Variants in THSD7B observed in about 807,000 individuals in gnomAD.
THSD7B encodes the protein thrombospondin type-1 domain-containing protein 7B.
THSD7B carries 138 observed loss-of-function variants against 213.6 expected under a neutral mutation model. The ratio of observed to expected loss-of-function variants is 0.65; its 90% CI spans 0.56 to 0.74. The LOEUF is 0.74. Among genes scored for constraint, THSD7B ranks in the 30% least tolerant of loss-of-function variants. The probability of loss-of-function intolerance (pLI) is 0.00; values close to 1 mark genes in which losing one functional copy is unlikely to be tolerated. For missense variants in THSD7B, 1,931 were observed against 1,991.5 expected, an observed-to-expected ratio of 0.97 and a Z score of 0.58; for synonymous variants, 742 against 687.0, an observed-to-expected ratio of 1.08 and a Z score of -1.25.
At chr2:136,947,233 C>A (rs1684958881) in intron 2 of THSD7B, among the ~76,000 whole-genome samples, 1 of 152,048 alleles carries the variant, frequency 6.6e-6, no homozygotes, top group Non-Finnish European at 1.5e-5. Context: ...GTGTTTTCAG[C>A]TATTCCACAT....
At chr2:137,391,281 T>C (rs1454579291) in intron 12 of THSD7B, among the ~76,000 whole-genome samples, 2 of 152,208 alleles carry the variant, frequency 1.3e-5, no homozygotes, top group African/African-American at 4.8e-5. Flanking sequence ...TGATCTTTTG[T>C]ATTTCTGTGG....
chr2:136,903,025 G>A lies in THSD7B; in HGVS notation c.139+20708G>A, dbSNP rs533053528. Among the ~76,000 whole-genome samples, 126 of 152,280 alleles carry A rather than the reference G, an allele frequency of 8.3e-4. 1 individual carries two copies. The highest frequency in any genetic ancestry group is 6.2e-3 in the Admixed American group (95 of 15,298). Reference sequence around the variant, plus strand: ...TAGGGTATGAGTGTGGCCCAGTTGTGCCTCCCTGCTGTGCCTCAGTGTTCT... The same window carrying A: ...TAGGGTATGAGTGTGGCCCAGTTGTACCTCCCTGCTGTGCCTCAGTGTTCT... On this transcript the variant is annotated intron_variant, in intron 2 of 27. Coordinates refer to ENST00000409968, the MANE Select transcript of THSD7B (RefSeq NM_001316349.2).
chr2:137,341,123 T>C (rs1027491451), intron 12 of THSD7B, among the ~76,000 whole-genome samples: 1 of 151,690 alleles, frequency 6.6e-6, no homozygotes. Flanking sequence ...ATCTTTTATT[T>C]TTTTGAGAAT....
At position 137,090,825 on chromosome 2, in the gene THSD7B, T is replaced by C. The variant is rs374662900; in HGVS notation, c.951-4048T>C. Among the ~76,000 whole-genome samples the C allele has an allele frequency of 1.2e-4, 18 of 152,298 alleles. No individual in the cohort carries two copies. The East Asian group carries it at 2.5e-3, about 21-fold the overall frequency. On this transcript the variant is annotated intron_variant, in intron 3 of 27. Transcript: ENST00000409968. ...TAAAGGTTACTACAAATCTAAGGGG[T>C]GAGTAAATCACATTTTACTATTGTT...
intron 2 of THSD7B, among the ~76,000 whole-genome samples, chr2:136,984,832 A>G (rs751636086): frequency 2.6e-5 from 4 of 152,144 alleles, no homozygotes; most frequent in Non-Finnish European, 5.9e-5. Flanking sequence ...AGAAAAATGG[A>G]CAGCGAAGGC....
At chr2:137,583,207 T>C (rs1681624029) in intron 17 of THSD7B, among the ~76,000 whole-genome samples, 1 of 152,226 alleles carries the variant, frequency 6.6e-6, no homozygotes. Flanking sequence ...CTTGTAAATT[T>C]GTTTGAGTTC....
At chr2:137,559,087 A>G (rs1410459820) in intron 15 of THSD7B, among the ~76,000 whole-genome samples, 1 of 152,234 alleles carries the variant, frequency 6.6e-6, no homozygotes, top group African/African-American at 2.4e-5. Context: ...ATGGAAGAAC[A>G]TTCCAAGCTC....
At chr2:137,595,624 G>T (rs1681943815) in intron 17 of THSD7B, among the ~76,000 whole-genome samples, 1 of 151,928 alleles carries the variant, frequency 6.6e-6, no homozygotes, top group South Asian at 2.1e-4. Context: ...TAAAATTTCA[G>T]TTTTAAACAG....
chr2:136,789,500 T>A (rs1171985610), intron 1 of THSD7B, among the ~76,000 whole-genome samples: 2 of 152,128 alleles, frequency 1.3e-5, no homozygotes, highest in Non-Finnish European at 2.9e-5. Context: ...ATTCGAATTA[T>A]TCTTTTCTAG....
chr2:137,419,921 C>T (rs758198927), intron 14 of THSD7B, among the ~76,000 whole-genome samples: 1 of 151,940 alleles, frequency 6.6e-6, no homozygotes, highest in Non-Finnish European at 1.5e-5. Flanking sequence ...GTATAGATAC[C>T]CCTTTGCTAT....
chr2:137,255,240 C>T (rs1682279319), intron 10 of THSD7B, among the ~76,000 whole-genome samples: 1 of 152,128 alleles, frequency 6.6e-6, no homozygotes, highest in African/African-American at 2.4e-5. Flanking sequence ...ATTAGACAGG[C>T]TTTCCTACCT....
intron 24 of THSD7B, among the ~76,000 whole-genome samples, chr2:137,658,817 T>A (rs1683287803): frequency 6.6e-6 from 1 of 152,226 alleles, no homozygotes; most frequent in South Asian, 2.1e-4. Flanking sequence ...GGCCCAGAGC[T>A]TTTTGCTAGC....
At chr2:136,861,200 A>T (rs1683254768) in intron 1 of THSD7B, among the ~76,000 whole-genome samples, 1 of 152,222 alleles carries the variant, frequency 6.6e-6, no homozygotes, top group Non-Finnish European at 1.5e-5. Flanking sequence ...TTACATGTGG[A>T]AGGTAGGACC....
At chr2:136,949,085 G>C (rs975916085) in intron 2 of THSD7B, among the ~76,000 whole-genome samples, 1 of 152,154 alleles carries the variant, frequency 6.6e-6, no homozygotes, top group Non-Finnish European at 1.5e-5. Flanking sequence ...CCTTGTCTTA[G>C]TTTGAATGGC....
chr2:137,189,056 A>G (rs1246576328), intron 7 of THSD7B, among the ~76,000 whole-genome samples: 1 of 152,148 alleles, frequency 6.6e-6, no homozygotes, highest in Non-Finnish European at 1.5e-5. Context: ...TAGAGCCACC[A>G]TATTAGCTAT....
At chr2:137,354,882 T>A (rs1320095876) in intron 12 of THSD7B, among the ~76,000 whole-genome samples, 1 of 151,984 alleles carries the variant, frequency 6.6e-6, no homozygotes, top group Non-Finnish European at 1.5e-5. Context: ...ATATTCTGAA[T>A]GCATTTTCAT....
chr2:137,419,847 A>C (rs1420064985), intron 14 of THSD7B, among the ~76,000 whole-genome samples: 1 of 152,066 alleles, frequency 6.6e-6, no homozygotes, highest in African/African-American at 2.4e-5. Context: ...CATTTGCTTT[A>C]TACATTCATC....
chr2:137,359,087 T>C (rs1194838203), intron 12 of THSD7B, among the ~76,000 whole-genome samples: 1 of 152,254 alleles, frequency 6.6e-6, no homozygotes. Flanking sequence ...TACAATTTCA[T>C]GTGTGCTTAC....
At chr2:137,482,682 CTG>C (rs1186780096) in intron 15 of THSD7B, among the ~76,000 whole-genome samples, 7 of 151,880 alleles carry the variant, frequency 4.6e-5, no homozygotes, top group Admixed American at 2.0e-4. Flanking sequence ...CTAAAGAAAA[CTG>C]TTTTTTTTTT....
Sources: gnomAD v4.1 joint callset for allele counts (sites outside exome capture counted in the v4.1 genomes callset) on GRCh38, gnomAD v4.1.1 for gene constraint, MANE v1.5 for transcripts, NCBI Gene and HGNC (gene_info 2026-07-23, HGNC 2026-07-21) for gene names.